PHKA2: variants seen among roughly 807,000 people sequenced by gnomAD.
The protein encoded by PHKA2 is phosphorylase b kinase regulatory subunit alpha, liver isoform.
PHKA2 carries 31 observed loss-of-function variants against 102.0 expected under a neutral mutation model. The observed-to-expected ratio is 0.30, with a 90% confidence interval of 0.23 to 0.41. The LOEUF is 0.41. Ranked by LOEUF, PHKA2 falls within the 10% of genes least tolerant of loss-of-function variation. PHKA2 has a pLI of 1.00. For synonymous variants in PHKA2, 455 were observed against 416.2 expected (o/e 1.09, Z -1.13); for missense variants, 858 against 1,023.1 (o/e 0.84, Z 2.20).
chrX:18,898,364 C>T (rs752699335), intron 29 of PHKA2, among the ~76,000 whole-genome samples: 74 of 113,127 alleles, frequency 6.5e-4, no homozygotes, highest in African/African-American at 2.2e-3. Context: ...GCAAAGCTCC[C>T]AGCCTTCTGT....
chrX:18,908,168 C>G, intron 21 of PHKA2, 112 bp from the exon 22 acceptor site: 1 of 750,649 alleles, frequency 1.3e-6, no homozygotes, highest in East Asian at 3.1e-5. Flanking sequence ...GCCCCTGAGT[C>G]TCACTGAGAG....
At chrX:18,967,137 G>A (rs1292149129) in intron 1 of PHKA2, among the ~76,000 whole-genome samples, 1 of 111,415 alleles carries the variant, frequency 9.0e-6, no homozygotes, top group Non-Finnish European at 1.9e-5. Flanking sequence ...TGGGTTTGCT[G>A]GAAGGAATGA....
intron 27 of PHKA2, 76 bp downstream of exon 27, chrX:18,901,409 G>T: frequency 1.5e-6 from 1 of 652,075 alleles, no homozygotes; most frequent in East Asian, 3.2e-5. Context: ...CATGCCCTAG[G>T]TTTCTGTCGC....
intron 20 of PHKA2, among the ~76,000 whole-genome samples, chrX:18,909,773 G>GTACCCAGACAGCTAATCATACAAA (rs2047890233): frequency 8.9e-6 from 1 of 112,438 alleles, no homozygotes; most frequent in South Asian, 3.7e-4. Context: ...AATCACCTTT[G>GTACCCAGACAGCTAATCATACAAA]TATGCTTTTT....
intron 1 of PHKA2, among the ~76,000 whole-genome samples, chrX:18,977,978 A>G (rs1219843203): frequency 8.9e-6 from 1 of 111,960 alleles, no homozygotes; most frequent in Non-Finnish European, 1.9e-5. Context: ...CCTGGCCAAC[A>G]TGGCGAAACC....
intron 1 of PHKA2, 55 bp from the exon 2 acceptor site, chrX:18,954,467 G>T: frequency 8.9e-7 from 1 of 1,124,663 alleles, no homozygotes. Context: ...CAGTCCCTGG[G>T]TAACAGATGC....
At chrX:18,894,139 G>GGACA (rs1301765306) in intron 32 of PHKA2, 65 bp downstream of exon 32, 2 of 993,834 alleles carry the variant, frequency 2.0e-6, no homozygotes, top group East Asian at 6.1e-5. Flanking sequence ...CTTTCCTATT[G>GGACA]GACACAGAAT....
chrX:18,948,950 C>CA (rs2048631611), intron 4 of PHKA2, 124 bp from the exon 5 acceptor site: 1 of 505,594 alleles, frequency 2.0e-6, no homozygotes, highest in Non-Finnish European at 3.6e-6. Flanking sequence ...CCAAAGGCAT[C>CA]AAAAATGAAG....
chrX:18,907,363 C>T (rs755636269), intron 22 of PHKA2, among the ~76,000 whole-genome samples: 24 of 112,400 alleles, frequency 2.1e-4, no homozygotes, highest in African/African-American at 7.4e-4. Flanking sequence ...CGTTTAATGC[C>T]CATCCACTAG....
chrX:18,939,356 A>AT (rs1556008944), intron 9 of PHKA2, among the ~76,000 whole-genome samples: 2 of 109,052 alleles, frequency 1.8e-5, no homozygotes, highest in Non-Finnish European at 3.8e-5. Context: ...ATTTTATTTT[A>AT]TTTTTTTTGT....
At chrX:18,950,005 G>T (rs2048651280) in intron 4 of PHKA2, among the ~76,000 whole-genome samples, 2 of 112,208 alleles carry the variant, frequency 1.8e-5, no homozygotes, top group Non-Finnish European at 3.8e-5. Flanking sequence ...CCCAGACATA[G>T]CCGTTAAGTG....
rs1208378642 is a variant in PHKA2 at position 18,897,175 on chromosome X, C to T, written c.3270G>A (p.Lys1090=). The T allele has an allele frequency of 8.3e-7, 1 of 1,211,631 alleles. No individual in the cohort carries two copies. The change falls in exon 30 of 33, where the codon AAG becomes AAA. Residue 1090 remains lysine, a synonymous_variant. Transcript: ENST00000379942. The stretch of plus-strand genomic sequence containing the variant: ...CGTCTCGGCTTACCTTCTGGAGGAT[C>T]TTCCACACCCTCTGGTAGAATCCCA... The part of the protein sequence containing the change: ...VPVGFYQRVW[K]ILQKCHGLSI...
chrX:18,900,684 T>C lies in PHKA2; in HGVS notation c.3043A>G (p.Ser1015Gly). ...SEMKQMTRRF[S>G]ADEQFFSVGQ... ...AGGGGTGTCACCTGTTCATCAGCAC[T>C]AAACCGCCTAGTCATCTGAAAGCAA... The change falls in exon 28 of 33, where the codon AGT becomes GGT. Residue 1015 changes from serine to glycine, a missense_variant. Physicochemically the swap from Ser to Gly is moderately conservative, Grantham distance 56. Transcript: ENST00000379942. The C allele has an allele frequency of 8.3e-7, 1 of 1,208,701 alleles. No individual in the cohort carries two copies. Among genetic ancestry groups the C allele is most frequent in the Non-Finnish European group, 1.1e-6 (1 of 892,850 alleles).
intron 32 of PHKA2, 105 bp downstream of exon 32, chrX:18,894,099 G>T: frequency 1.3e-6 from 1 of 764,913 alleles, no homozygotes; most frequent in Non-Finnish European, 2.0e-6. Context: ...CCCATCATCT[G>T]TGATGACATT....
intron 1 of PHKA2, among the ~76,000 whole-genome samples, chrX:18,958,373 T>C (rs2048815171): frequency 9.0e-6 from 1 of 111,565 alleles, no homozygotes; most frequent in Non-Finnish European, 1.9e-5. Flanking sequence ...AATTTGGCAA[T>C]ACAAGGACTA....
chrX:18,938,397 G>A (rs1302494284), intron 10 of PHKA2, among the ~76,000 whole-genome samples: 2 of 113,284 alleles, frequency 1.8e-5, no homozygotes, highest in African/African-American at 6.4e-5. Flanking sequence ...CTGACAGCAG[G>A]TAAAGCAGAG....
At chrX:18,928,351 C>T (rs552551537) in intron 13 of PHKA2, among the ~76,000 whole-genome samples, 3 of 111,979 alleles carry the variant, frequency 2.7e-5, no homozygotes, top group Non-Finnish European at 5.6e-5. Flanking sequence ...CATGAGCCCC[C>T]GAAGCAAAAT....
intron 13 of PHKA2, among the ~76,000 whole-genome samples, 171 bp from the exon 14 acceptor site, chrX:18,926,758 G>A (rs761358481): frequency 9.0e-6 from 1 of 111,404 alleles, no homozygotes; most frequent in Non-Finnish European, 1.9e-5. Context: ...TCCCCATTCT[G>A]TCCTTGCCAC....
chrX:18,930,502 G>C (rs1018438048), intron 12 of PHKA2, among the ~76,000 whole-genome samples: 5 of 110,943 alleles, frequency 4.5e-5, no homozygotes, highest in African/African-American at 9.8e-5. Flanking sequence ...AAGCAGGGGA[G>C]GGGAGTTACT....
Sources: gnomAD v4.1 joint callset for allele counts (sites outside exome capture counted in the v4.1 genomes callset) on GRCh38, gnomAD v4.1.1 for gene constraint, MANE v1.5 for transcripts, NCBI Gene and HGNC (gene_info 2026-07-23, HGNC 2026-07-21) for gene names.